ADAM12: variants seen among roughly 807,000 people sequenced by gnomAD.
ADAM12 encodes ADAM metallopeptidase domain 12.
ADAM12 carries 70 observed loss-of-function variants against 106.4 expected under a neutral mutation model. That is an observed-to-expected ratio of 0.66 (90% CI 0.54 to 0.80). The LOEUF (loss-of-function observed/expected upper bound fraction) is 0.80, where lower values mean the gene tolerates loss of function less well. ADAM12 is among the 30% of genes least tolerant of loss of function. The pLI is 0.00. For missense variants in ADAM12, 1,010 were observed against 1,171.9 expected, an observed-to-expected ratio of 0.86 and a Z score of 2.02; for synonymous variants, 420 against 433.5, an observed-to-expected ratio of 0.97 and a Z score of 0.39.
chr10:126,215,916 T>C (rs1452941705), intron 3 of ADAM12, among the ~76,000 whole-genome samples: 1 of 152,158 alleles, frequency 6.6e-6, no homozygotes, highest in Non-Finnish European at 1.5e-5. Context: ...GTTGCCCTTG[T>C]TTTCTGGCTA....
chr10:126,038,505 G>A (rs939368466), intron 19 of ADAM12, among the ~76,000 whole-genome samples, 156 bp from the exon 20 acceptor site: 1 of 152,208 alleles, frequency 6.6e-6, no homozygotes, highest in South Asian at 2.1e-4. Flanking sequence ...ACTCTTAGGA[G>A]ATTAAAAAAT....
chr10:126,037,285 C>CT (rs34515487), intron 20 of ADAM12, among the ~76,000 whole-genome samples: 20,250 of 136,204 alleles, frequency 0.15, 1,832 homozygotes, highest in South Asian at 0.28. Context: ...TAAGGCTGTG[C>CT]TTTTTTTTTT....
chr10:126,320,030 T>C (rs1276236052), intron 2 of ADAM12, among the ~76,000 whole-genome samples: 1 of 152,144 alleles, frequency 6.6e-6, no homozygotes, highest in African/African-American at 2.4e-5. Context: ...ATGAGCAAAA[T>C]TGGTACTAGG....
At chr10:126,073,240 C>G (rs911112235) in intron 11 of ADAM12, among the ~76,000 whole-genome samples, 1 of 152,144 alleles carries the variant, frequency 6.6e-6, no homozygotes, top group Non-Finnish European at 1.5e-5. Flanking sequence ...AGGCGCCCAC[C>G]ACCATGCCTG....
At chr10:126,085,829 C>T (rs1039259512) in intron 11 of ADAM12, among the ~76,000 whole-genome samples, 1 of 152,224 alleles carries the variant, frequency 6.6e-6, no homozygotes, top group Non-Finnish European at 1.5e-5. Context: ...TACTATGTGT[C>T]AGGCACTGTT....
chr10:126,098,348 T>C (rs1590405496), intron 10 of ADAM12, 68 bp downstream of exon 10: 5 of 1,283,720 alleles, frequency 3.9e-6, no homozygotes, highest in South Asian at 1.2e-5. Flanking sequence ...TCACAAAGTC[T>C]GATAAAAGTA....
rs200354475 is a variant in ADAM12 at position 126,174,008 on chromosome 10, A to ATTTTTTTTTTT, written c.261-18714_261-18704dup. On this transcript the variant is annotated intron_variant, in intron 3 of 22. Coordinates refer to ENST00000448723, the MANE Select transcript of ADAM12 (RefSeq NM_001288973.2). Reference sequence around the variant, plus strand: ...TTTTATCCAGATTCATCTGTTGTTGATTTTTTTTTTTTTTTTTTTTTTTTT... The same window carrying ATTTTTTTTTTT: ...TTTTATCCAGATTCATCTGTTGTTGATTTTTTTTTTTTTTTTTTTTTTTTTTTTTTTTTTTT... Among the ~76,000 whole-genome samples, 21 of 90,468 alleles carry ATTTTTTTTTTT rather than the reference A, an allele frequency of 2.3e-4. 2 individuals are homozygous for ATTTTTTTTTTT. Among genetic ancestry groups the ATTTTTTTTTTT allele is most frequent in the African/African-American group, 8.6e-4 (16 of 18,684 alleles). The allele number at this position is 90,468 out of a possible 152,430, so 59.4% of individuals were successfully genotyped here.
At chr10:126,050,775 C>G (rs1710279) in intron 14 of ADAM12, among the ~76,000 whole-genome samples, 2 of 152,020 alleles carry the variant, frequency 1.3e-5, no homozygotes, top group Non-Finnish European at 2.9e-5. Flanking sequence ...TCAACACACA[C>G]GTGCCACACC....
intron 14 of ADAM12, among the ~76,000 whole-genome samples, chr10:126,051,200 G>T (rs907840816): frequency 2.0e-5 from 3 of 152,138 alleles, no homozygotes; most frequent in Admixed American, 1.3e-4. Flanking sequence ...CAGCACTTTT[G>T]ATCAAAGTAC....
intron 3 of ADAM12, among the ~76,000 whole-genome samples, chr10:126,164,106 A>C (rs1241527127): frequency 2.6e-5 from 4 of 152,374 alleles, no homozygotes; most frequent in Admixed American, 2.6e-4. Flanking sequence ...TAAATGAGGG[A>C]AACAGGGAAA....
intron 2 of ADAM12, among the ~76,000 whole-genome samples, chr10:126,328,370 T>C (rs7085197): frequency 0.25 from 37,452 of 152,192 alleles, 5,249 homozygotes; most frequent in African/African-American, 0.38. Flanking sequence ...CGTGAGTATG[T>C]TTTGTATACT....
In ADAM12 at chr10:126,038,250, G is replaced by T; in HGVS notation, c.2340C>A (p.Tyr780Ter). 6.2e-7 allele frequency: 1 copy of T among 1,609,840 alleles called. No individual in the cohort carries two copies. The highest frequency in any genetic ancestry group is 8.5e-7 in the Non-Finnish European group (1 of 1,178,290). Residue 780 changes from tyrosine to a stop codon, truncating the protein, a stop_gained, in exon 20 of 23, where the codon TAC (tyrosine) becomes TAA (stop). Transcript: ENST00000448723. LOFTEE classifies it high-confidence loss of function. ...TCTACTCAAGACTCACCTTCGGTGG[G>T]TAGGAATCTGGCGGCTTCCTCATCA... ...KGLMRKPPDS[Y>*]PPKDNPRRLL...
chr10:126,124,795 G>A (rs1691635004), intron 5 of ADAM12, among the ~76,000 whole-genome samples: 3 of 148,494 alleles, frequency 2.0e-5, no homozygotes, highest in South Asian at 4.3e-4. Flanking sequence ...GGGAGGCTGA[G>A]GTAGGAGAAT....
intron 3 of ADAM12, among the ~76,000 whole-genome samples, chr10:126,169,990 A>T (rs1484089393): frequency 6.6e-6 from 1 of 152,004 alleles, no homozygotes; most frequent in Non-Finnish European, 1.5e-5. Flanking sequence ...TGACCTTGTA[A>T]GTGGTTTCAC....
chr10:126,305,294 T>C (rs963037986), intron 2 of ADAM12, among the ~76,000 whole-genome samples: 9 of 151,986 alleles, frequency 5.9e-5, no homozygotes, highest in Non-Finnish European at 8.8e-5. Flanking sequence ...TAACAAGAAA[T>C]GGACTCCTGA....
intron 2 of ADAM12, among the ~76,000 whole-genome samples, chr10:126,318,170 G>A (rs1853952920): frequency 1.3e-5 from 2 of 152,050 alleles, no homozygotes; most frequent in Admixed American, 1.3e-4. Context: ...AGTGCAGCTT[G>A]CAGTGCCAGA....
At chr10:126,368,757 T>A (rs1430025207) in intron 1 of ADAM12, among the ~76,000 whole-genome samples, 1 of 151,920 alleles carries the variant, frequency 6.6e-6, no homozygotes, top group Non-Finnish European at 1.5e-5. Context: ...CTAAAATCAC[T>A]TCAAAAGTTT....
chr10:126,181,883 G>A (rs564167756), intron 3 of ADAM12, among the ~76,000 whole-genome samples: 2 of 152,296 alleles, frequency 1.3e-5, no homozygotes, highest in South Asian at 4.1e-4. Context: ...AGGGAGCTGA[G>A]ATCCACCGGG....
chr10:126,018,691 C>G (rs1179575947), intron 22 of ADAM12, among the ~76,000 whole-genome samples: 1 of 152,142 alleles, frequency 6.6e-6, no homozygotes, highest in African/African-American at 2.4e-5. Context: ...TCTCACCAAC[C>G]AGGGTAAGCT....
Sources: allele counts gnomAD v4.1 joint callset (sites outside exome capture counted in the v4.1 genomes callset), GRCh38; gene constraint gnomAD v4.1.1; transcripts MANE v1.5; gene names NCBI Gene and HGNC (gene_info 2026-07-23, HGNC 2026-07-21).